CHRNB4: variants seen among roughly 807,000 people sequenced by gnomAD.
CHRNB4 encodes the protein cholinergic receptor nicotinic beta 4 subunit.
CHRNB4 carries 23 observed loss-of-function variants against 40.4 expected under a neutral mutation model. The observed-to-expected ratio is 0.57, with a 90% CI of 0.41 to 0.81. The LOEUF is 0.81. Among genes scored for constraint, CHRNB4 ranks in the 30% least tolerant of loss-of-function variants. The pLI, the probability that CHRNB4 is intolerant of heterozygous loss-of-function variation, is 0.00. For synonymous variants in CHRNB4, 285 were observed against 274.4 expected (o/e 1.04, Z -0.38); for missense variants, 568 against 670.6 (o/e 0.85, Z 1.69).
upstream of CHRNB4, among the ~76,000 whole-genome samples, chr15:78,641,885 G>C (rs932158722): frequency 4.6e-5 from 7 of 152,202 alleles, no homozygotes; most frequent in Non-Finnish European, 7.3e-5. Context: ...TGTCCTTGAC[G>C]CGTTTTTGGA....
upstream of CHRNB4, chr15:78,661,248 G>T (rs2054250619): frequency 1.6e-6 from 1 of 607,004 alleles, no homozygotes. Context: ...CAAAAGTGAG[G>T]ATCTTGCCCC....
intron 6 of CHRNB4, among the ~76,000 whole-genome samples, chr15:78,650,887 C>T (rs1175405424): frequency 2.0e-5 from 3 of 151,986 alleles, no homozygotes; most frequent in Non-Finnish European, 2.9e-5. Context: ...TGATTGGCAG[C>T]GGGGAAAAAT....
At chr15:78,649,154 T>A (rs2054151095) in intron 7 of CHRNB4, among the ~76,000 whole-genome samples, 1 of 152,102 alleles carries the variant, frequency 6.6e-6, no homozygotes, top group African/African-American at 2.4e-5. Flanking sequence ...CGCCAACTGC[T>A]GCTGGGGATG....
intron 5 of CHRNB4, 81 bp from the exon 6 acceptor site, chr15:78,625,372 GC>G: frequency 1.5e-6 from 2 of 1,340,186 alleles, no homozygotes; most frequent in Non-Finnish European, 2.0e-6. Context: ...TTACTCTCTG[GC>G]CAGGGACTCC....
chr15:78,643,901 G>A (rs11858869), upstream of CHRNB4, among the ~76,000 whole-genome samples: 5,943 of 151,784 alleles, frequency 0.039, 372 homozygotes, highest in African/African-American at 0.13. Context: ...TATAATCCCA[G>A]GCCTTTGGGA....
At chr15:78,652,816 G>A (rs773551783) in intron 5 of CHRNB4, 1 of 152,206 alleles carries the variant, frequency 6.6e-6, no homozygotes, top group Non-Finnish European at 1.5e-5. Context: ...ACAAGGTAAT[G>A]TGGGTAGAGC....
At chr15:78,628,513 C>T (rs1471325894) in intron 5 of CHRNB4, among the ~76,000 whole-genome samples, 1 of 152,204 alleles carries the variant, frequency 6.6e-6, no homozygotes, top group Non-Finnish European at 1.5e-5. Flanking sequence ...TACCCTCATC[C>T]TTTAGGGAAT....
At chr15:78,638,079 G>T (rs190259585) in intron 1 of CHRNB4, among the ~76,000 whole-genome samples, 2 of 152,230 alleles carry the variant, frequency 1.3e-5, no homozygotes, top group African/African-American at 4.8e-5. Context: ...CAGCTCTGGG[G>T]TCAGAATCTG....
rs202107554 is a variant in CHRNB4 at position 78,629,375 on chromosome 15, G to A, written c.930C>T (p.Ile310=). The change falls in exon 5 of 6, where the codon ATC becomes ATT. Residue 310 remains isoleucine (I), a synonymous_variant. Coordinates refer to ENST00000261751, the MANE Select transcript of CHRNB4 (RefSeq NM_000750.5). This position sits in a 1 kb window ranked among gnomAD's most constrained non-coding sequence, Gnocchi z 6.8. ...CATTGAGCACACAGACGCTGGTGAC[G>A]ATGGAGAAGGTGACCAGCACCATGG... The part of the protein sequence containing the change: ...MFTMVLVTFS[I]VTSVCVLNVH... 16 of 1,614,134 alleles carry A rather than the reference G, an allele frequency of 9.9e-6. No individual in the cohort carries two copies. Among genetic ancestry groups the A allele is most frequent in the African/African-American group, 5.3e-5 (4 of 75,036 alleles).
chr15:78,635,226 A>C (rs1482787971), intron 2 of CHRNB4, among the ~76,000 whole-genome samples: 1 of 152,124 alleles, frequency 6.6e-6, no homozygotes, highest in Non-Finnish European at 1.5e-5. Flanking sequence ...TCCTGCTCCT[A>C]CCCTCATTTC....
chr15:78,626,528 C>T (rs1005405344), intron 5 of CHRNB4: 1 of 152,238 alleles, frequency 6.6e-6, no homozygotes, highest in Non-Finnish European at 1.5e-5. Flanking sequence ...TCCAACCATC[C>T]ATAAGAAAGT....
chr15:78,630,038 T>C (rs1719600349), intron 4 of CHRNB4, 93 bp from the exon 5 acceptor site: 12 of 1,363,744 alleles, frequency 8.8e-6, no homozygotes, highest in Non-Finnish European at 1.2e-5. Context: ...TTGGGATTAT[T>C]TCCCACTAAT....
intron 2 of CHRNB4, among the ~76,000 whole-genome samples, chr15:78,634,155 CGGAAATATAACTTGCATGGGTG>C (rs1237664639): frequency 6.6e-6 from 1 of 152,144 alleles, no homozygotes; most frequent in Non-Finnish European, 1.5e-5. Context: ...CACAAGCTTT[CGGAAATATAACTTGCATGGGTG>C]GGGGCTGGTG....
intron 4 of CHRNB4, chr15:78,656,173 A>C (rs1165984781): frequency 2.0e-5 from 3 of 152,000 alleles, no homozygotes; most frequent in African/African-American, 7.3e-5. Flanking sequence ...CCCCATCTCT[A>C]CTAAAAATAC....
At chr15:78,635,627 A>G in intron 1 of CHRNB4, 40 bp from the exon 2 acceptor site, 1 of 1,610,470 alleles carries the variant, frequency 6.2e-7, no homozygotes, top group African/African-American at 1.3e-5. Context: ...GCCCTTGTGC[A>G]CCTGACCCCC....
At chr15:78,638,356 C>A (rs1307227836) in intron 1 of CHRNB4, among the ~76,000 whole-genome samples, 2 of 152,358 alleles carry the variant, frequency 1.3e-5, no homozygotes, top group Non-Finnish European at 1.5e-5. Context: ...GAACTTTAGA[C>A]CATTTAGCCC....
At chr15:78,641,273 AG>A, upstream of CHRNB4, 1 of 623,504 alleles carries the variant, frequency 1.6e-6, no homozygotes, top group Non-Finnish European at 2.5e-6. Flanking sequence ...CCCCGCGGAG[AG>A]CCCCGCCGAG....
intron 3 of CHRNB4, among the ~76,000 whole-genome samples, chr15:78,657,119 G>A (rs1442566397): frequency 6.6e-6 from 1 of 151,816 alleles, no homozygotes; most frequent in Non-Finnish European, 1.5e-5. Context: ...CTGCCTCCTA[G>A]GTTCAAGTGC....
At chr15:78,660,615 T>G, upstream of CHRNB4, 2 of 157,624 alleles carry the variant, frequency 1.3e-5, no homozygotes, top group Non-Finnish European at 2.8e-5. Context: ...CCTGTAAGGG[T>G]CAGTGCGACG....
Sources: gnomAD v4.1 joint callset for allele counts (sites outside exome capture counted in the v4.1 genomes callset) on GRCh38, gnomAD v4.1.1 for gene constraint, Gnocchi (gnomAD v3.1) non-coding constraint, MANE v1.5 for transcripts, NCBI Gene and HGNC (gene_info 2026-07-23, HGNC 2026-07-21) for gene names.